CCDC63: variants seen among roughly 807,000 people sequenced by gnomAD.
CCDC63 encodes coiled-coil domain containing 63, also known as coiled-coil domain-containing protein 63.
A neutral mutation model predicts 63.6 loss-of-function variants in CCDC63; 54 were observed. The ratio of observed to expected loss-of-function variants is 0.85; its 90% CI spans 0.68 to 1.07. The LOEUF (loss-of-function observed/expected upper bound fraction) is 1.07, where lower values mean the gene tolerates loss of function less well. Among genes scored for constraint, CCDC63 ranks in the 50% least tolerant of loss-of-function variants. The pLI is 0.00. For synonymous variants in CCDC63, 253 were observed against 266.1 expected (o/e 0.95, Z 0.48); for missense variants, 637 against 689.6 (o/e 0.92, Z 0.86).
rs370767542 is a variant in CCDC63, at chr12:110,880,064, A to G, written c.648A>G (p.Gln216=). The G allele has an allele frequency of 1.1e-4, 175 of 1,613,970 alleles. No individual in the cohort carries two copies. The Admixed American group carries it at 1.3e-3, about 12-fold the overall frequency. Residue 216 remains glutamine, a synonymous_variant, in exon 6 of 12, where the codon CAA becomes CAG. Coordinates refer to ENST00000308208, the MANE Select transcript of CCDC63 (RefSeq NM_152591.3). ...EKKTMNLAIE[Q]SSQAYEQRVE... ...AAACCATGAACTTGGCCATTGAGCAATCTTCTCAGGCCTATGAGCAGAGGT... is the reference window on the plus strand; with the variant it reads ...AAACCATGAACTTGGCCATTGAGCAGTCTTCTCAGGCCTATGAGCAGAGGT...
At chr12:110,886,971 A>G (rs1013586940) in intron 8 of CCDC63, among the ~76,000 whole-genome samples, 1 of 152,170 alleles carries the variant, frequency 6.6e-6, no homozygotes, top group Non-Finnish European at 1.5e-5. Flanking sequence ...CATCTCCTGC[A>G]CAAGGACAAG....
intron 6 of CCDC63, among the ~76,000 whole-genome samples, chr12:110,880,722 GGTTATA>G (rs2071190566): frequency 6.0e-5 from 5 of 83,682 alleles, no homozygotes; most frequent in Admixed American, 1.2e-4. Context: ...TGGTGATGAT[GGTTATA>G]GTGATGGGGT....
intron 11 of CCDC63, among the ~76,000 whole-genome samples, chr12:110,905,723 A>G (rs1156412835): frequency 4.0e-5 from 6 of 148,814 alleles, no homozygotes; most frequent in Non-Finnish European, 7.4e-5. Flanking sequence ...CAGTTGCACA[A>G]TTGTCTGGGC....
At chr12:110,867,777 C>T (rs1267141501) in intron 4 of CCDC63, among the ~76,000 whole-genome samples, 8 of 145,372 alleles carry the variant, frequency 5.5e-5, no homozygotes, top group Non-Finnish European at 7.6e-5. Context: ...CCCTCCCGGA[C>T]GGGGTGGCTG....
intron 4 of CCDC63, among the ~76,000 whole-genome samples, chr12:110,861,502 C>A: frequency 6.6e-6 from 1 of 152,116 alleles, no homozygotes; most frequent in Non-Finnish European, 1.5e-5. Context: ...GTGCTATTCC[C>A]TCTGCCTGGA....
chr12:110,886,858 A>C (rs912438308), intron 8 of CCDC63, among the ~76,000 whole-genome samples: 3 of 152,148 alleles, frequency 2.0e-5, no homozygotes, highest in Non-Finnish European at 4.4e-5. Flanking sequence ...CTTCCTGGAC[A>C]AGGGTCCAGG....
At chr12:110,862,327 C>T (rs774874974) in intron 4 of CCDC63, among the ~76,000 whole-genome samples, 12 of 152,200 alleles carry the variant, frequency 7.9e-5, no homozygotes, top group African/African-American at 1.4e-4. Context: ...TGCCCACCCT[C>T]GATGGGCAAA....
chr12:110,896,689 G>A (rs1336074655), intron 9 of CCDC63, among the ~76,000 whole-genome samples: 1 of 152,184 alleles, frequency 6.6e-6, no homozygotes, highest in Non-Finnish European at 1.5e-5. Flanking sequence ...CACCTGGGAG[G>A]CTTTAATGAG....
chr12:110,882,362 A>C (rs915051712), intron 7 of CCDC63, among the ~76,000 whole-genome samples: 1 of 152,162 alleles, frequency 6.6e-6, no homozygotes, highest in African/African-American at 2.4e-5. Context: ...GAATAAAAAA[A>C]AATTAGTTGG....
chr12:110,886,654 A>C (rs898549958), intron 8 of CCDC63, among the ~76,000 whole-genome samples: 1 of 151,828 alleles, frequency 6.6e-6, no homozygotes, highest in African/African-American at 2.4e-5. Flanking sequence ...CTCTCCTCCC[A>C]CCCTTTATCT....
At chr12:110,859,811 T>C (rs1177001821) in intron 4 of CCDC63, among the ~76,000 whole-genome samples, 1 of 152,130 alleles carries the variant, frequency 6.6e-6, no homozygotes, top group African/African-American at 2.4e-5. Context: ...ACATTAATGG[T>C]CATGCCCCTT....
chr12:110,871,007 G>A (rs1410294648), intron 4 of CCDC63, among the ~76,000 whole-genome samples: 1 of 152,146 alleles, frequency 6.6e-6, no homozygotes, highest in African/African-American at 2.4e-5. Context: ...TAAGGACCTC[G>A]ACTTCTCTAA....
chr12:110,845,162 A>C (rs2070624348), upstream of CCDC63, among the ~76,000 whole-genome samples: 1 of 152,222 alleles, frequency 6.6e-6, no homozygotes, highest in Non-Finnish European at 1.5e-5. Flanking sequence ...CATAAAGACA[A>C]AGAGAGTAAA....
chr12:110,879,746 G>T (rs2071173390), intron 5 of CCDC63, among the ~76,000 whole-genome samples, 160 bp from the exon 6 acceptor site: 1 of 152,122 alleles, frequency 6.6e-6, no homozygotes. Context: ...CACTCAACTG[G>T]CTCCAACCAG....
At chr12:110,857,287 G>A (rs906678043) in intron 3 of CCDC63, among the ~76,000 whole-genome samples, 1 of 148,876 alleles carries the variant, frequency 6.7e-6, no homozygotes, top group Non-Finnish European at 1.5e-5. Flanking sequence ...CACCCCCCCC[G>A]GCTAATTTTT....
chr12:110,868,534 G>C (rs983011659), intron 4 of CCDC63, among the ~76,000 whole-genome samples: 3 of 150,800 alleles, frequency 2.0e-5, no homozygotes, highest in South Asian at 2.1e-4. Context: ...GCTGGAGACC[G>C]GCCCGGCCAA....
At chr12:110,867,636 C>T (rs1321581757) in intron 4 of CCDC63, among the ~76,000 whole-genome samples, 12 of 125,770 alleles carry the variant, frequency 9.5e-5, no homozygotes, top group Non-Finnish European at 1.4e-4. Context: ...CTCCTCACTT[C>T]CCAGTAGGGG....
chr12:110,893,389 G>A (rs1050590445), intron 9 of CCDC63, among the ~76,000 whole-genome samples: 4 of 152,118 alleles, frequency 2.6e-5, no homozygotes, highest in Non-Finnish European at 5.9e-5. Context: ...CCATTCTAAA[G>A]CCCCCACCCC....
intron 10 of CCDC63, among the ~76,000 whole-genome samples, chr12:110,900,293 T>C (rs2071470470): frequency 6.6e-6 from 1 of 152,046 alleles, no homozygotes. Flanking sequence ...GGAAGTGGAA[T>C]GTTTTTCTCC....
Sources: allele counts gnomAD v4.1 joint callset (sites outside exome capture counted in the v4.1 genomes callset), GRCh38; gene constraint gnomAD v4.1.1; transcripts MANE v1.5; gene names NCBI Gene and HGNC (gene_info 2026-07-23, HGNC 2026-07-21).